The following ARHGEF4 variants were observed in gnomAD, a reference collection of about 807,000 sequenced individuals.
ARHGEF4 encodes the protein APC-stimulated guanine nucleotide exchange factor 1.
In ARHGEF4, 119 loss-of-function variants were observed where a neutral mutation model predicts 162.0. The ratio of observed to expected loss-of-function variants is 0.73; its 90% CI spans 0.63 to 0.86. ARHGEF4 has a LOEUF of 0.86. Among genes scored for constraint, ARHGEF4 ranks in the 40% least tolerant of loss-of-function variants. ARHGEF4 has a pLI of 0.00. For missense variants in ARHGEF4, 2,488 were observed against 2,456.0 expected (o/e 1.01, Z -0.28); for synonymous variants, 1,014 against 979.9 (o/e 1.03, Z -0.65).
chr2:130,907,408 C>T (rs552849272), intron 1 of ARHGEF4, among the ~76,000 whole-genome samples: 2 of 151,294 alleles, frequency 1.3e-5, no homozygotes, highest in South Asian at 4.2e-4. Flanking sequence ...TTAGTAGAGA[C>T]GGGTTTCACC....
intron 4 of ARHGEF4, among the ~76,000 whole-genome samples, chr2:131,009,854 C>A (rs1688339830): frequency 6.6e-6 from 1 of 152,310 alleles, no homozygotes; most frequent in African/African-American, 2.4e-5. Context: ...TCTTGGGAAC[C>A]AATCACATTT....
At chr2:130,945,800 G>A (rs1048512035) in intron 3 of ARHGEF4, among the ~76,000 whole-genome samples, 3 of 152,128 alleles carry the variant, frequency 2.0e-5, no homozygotes, top group Non-Finnish European at 2.9e-5. Flanking sequence ...GGTGAAGTGT[G>A]CAACTCCGTC....
intron 6 of ARHGEF4, 71 bp downstream of exon 6, chr2:131,039,103 A>G: frequency 1.3e-6 from 2 of 1,494,280 alleles, no homozygotes; most frequent in Admixed American, 2.2e-5. Context: ...AGAGAAATCC[A>G]AGCCCAAAAC....
chr2:131,032,240 G>A (rs1009496286), intron 5 of ARHGEF4, among the ~76,000 whole-genome samples: 3 of 151,908 alleles, frequency 2.0e-5, no homozygotes, highest in African/African-American at 7.2e-5. Context: ...CCGGCCTGGG[G>A]ACAGATGTCC....
intron 1 of ARHGEF4, among the ~76,000 whole-genome samples, chr2:130,846,215 G>C (rs985830248): frequency 1.3e-5 from 2 of 152,200 alleles, no homozygotes; most frequent in African/African-American, 2.4e-5. Context: ...TGAGTGCTCA[G>C]CTCAAACTAA....
At chr2:130,890,640 C>A (rs945570197) in intron 1 of ARHGEF4, among the ~76,000 whole-genome samples, 4 of 151,614 alleles carry the variant, frequency 2.6e-5, no homozygotes, top group Non-Finnish European at 4.4e-5. Context: ...TTATAATTCA[C>A]TAAATTTCTC....
intron 5 of ARHGEF4, among the ~76,000 whole-genome samples, chr2:131,036,919 C>A (rs1024367471): frequency 5.9e-5 from 9 of 152,188 alleles, no homozygotes; most frequent in African/African-American, 2.2e-4. Flanking sequence ...GCGGGGTGAG[C>A]CAGCTCCCCA....
chr2:130,867,249 T>A (rs1682350428), intron 1 of ARHGEF4, among the ~76,000 whole-genome samples: 1 of 151,650 alleles, frequency 6.6e-6, no homozygotes, highest in Admixed American at 6.6e-5. Flanking sequence ...ATTATTTTTT[T>A]TTTTTAATGA....
Position 131,046,311 on chromosome 2 carries a change from G to A in ARHGEF4, c.*122G>A. Reference sequence around the variant, plus strand: ...CAAGTGAGCAGGGATGGGCTGGGGAGTTGCTTGTGCCACCAAGACGTGCCA... The same window carrying A: ...CAAGTGAGCAGGGATGGGCTGGGGAATTGCTTGTGCCACCAAGACGTGCCA... On this transcript the variant is annotated 3_prime_UTR_variant, in exon 14 of 14. Transcript: ENST00000409359. 1 of 1,050,598 alleles carries A rather than the reference G, an allele frequency of 9.5e-7. No individual in the cohort carries two copies. The highest frequency in any genetic ancestry group is 2.6e-5 in the East Asian group (1 of 38,024). 65.1% of individuals were successfully genotyped at this position (1,050,598 alleles called of 1,614,324 possible).
At chr2:130,839,451 A>G (rs1209256106) in intron 1 of ARHGEF4, among the ~76,000 whole-genome samples, 1 of 152,088 alleles carries the variant, frequency 6.6e-6, no homozygotes. Context: ...CAGGAGGAGG[A>G]CCCCAAGGCC....
At chr2:131,045,887 C>G (rs1426029303) in intron 13 of ARHGEF4, 151 bp from the exon 14 acceptor site, 2 of 1,488,930 alleles carry the variant, frequency 1.3e-6, no homozygotes, top group Non-Finnish European at 1.8e-6. Flanking sequence ...TGGATGTGGT[C>G]AGCTCTCCAG....
intron 3 of ARHGEF4, among the ~76,000 whole-genome samples, chr2:130,935,057 T>C (rs764892389): frequency 2.6e-5 from 4 of 152,184 alleles, no homozygotes; most frequent in Non-Finnish European, 5.9e-5. Context: ...TGTAGCTAAA[T>C]GCTTATCAAT....
chr2:130,845,023 C>T (rs1680857861), intron 1 of ARHGEF4, among the ~76,000 whole-genome samples: 1 of 151,722 alleles, frequency 6.6e-6, no homozygotes, highest in Non-Finnish European at 1.5e-5. Flanking sequence ...TGAGTTTCAC[C>T]GTGTTGGCCA....
intron 1 of ARHGEF4, among the ~76,000 whole-genome samples, chr2:130,882,475 G>T (rs1679254275): frequency 6.6e-6 from 1 of 151,988 alleles, no homozygotes; most frequent in Non-Finnish European, 1.5e-5. Context: ...GAGCTTTCCG[G>T]TGGCTTTTTG....
chr2:130,978,719 C>T (rs564795748), intron 4 of ARHGEF4, among the ~76,000 whole-genome samples: 12 of 150,902 alleles, frequency 8.0e-5, no homozygotes, highest in Non-Finnish European at 1.6e-4. Flanking sequence ...ACTCAATACA[C>T]TTAAAGTATA....
chr2:130,909,357 A>C (rs1192170120), intron 1 of ARHGEF4, among the ~76,000 whole-genome samples: 1 of 152,246 alleles, frequency 6.6e-6, no homozygotes, highest in African/African-American at 2.4e-5. Flanking sequence ...AATTCCTGTC[A>C]CATGCAACAA....
In ARHGEF4 at chr2:130,946,526, C is replaced by A; in HGVS notation, c.3876C>A (p.Ile1292=). ...TCTTCCAGTGCTGGAGAAAGACGAT[C>A]ATTACCTCTCCAGAGTCTTTGAATC... The part of the protein sequence containing the change: ...KDGVKCWRKT[I]ITSPESLNLP... Residue 1292 remains isoleucine (I), a synonymous_variant, in exon 4 of 14, where the codon ATC becomes ATA. Transcript: ENST00000409359. 1 of 1,613,102 alleles carries A rather than the reference C, an allele frequency of 6.2e-7. No homozygotes were observed. The highest frequency in any genetic ancestry group is 8.5e-7 in the Non-Finnish European group (1 of 1,179,560).
chr2:130,886,763 A>G lies in ARHGEF4; in HGVS notation c.40-27223A>G, dbSNP rs948003015. 7.2e-5 allele frequency among the ~76,000 whole-genome samples: 11 copies of G among 151,936 alleles called. 1 individual carries two copies. Among genetic ancestry groups the G allele is most frequent in the Non-Finnish European group, 1.0e-4 (7 of 68,020 alleles). ...ACGAAGTTTCCTTTGGGGAAAAAAA[A>G]TTAGTAATAATTCAATTCCTTTAAT... is the stretch of plus-strand genomic sequence containing the variant. On this transcript the variant is annotated intron_variant, in intron 1 of 13. Coordinates refer to ENST00000409359, the MANE Select transcript of ARHGEF4 (RefSeq NM_001367493.1).
At chr2:130,839,677 C>T (rs1680469619) in intron 1 of ARHGEF4, among the ~76,000 whole-genome samples, 1 of 152,176 alleles carries the variant, frequency 6.6e-6, no homozygotes, top group South Asian at 2.1e-4. Context: ...AGGAGCAGCA[C>T]ACCCAAAAGG....
Sources: allele counts gnomAD v4.1 joint callset (sites outside exome capture counted in the v4.1 genomes callset), GRCh38; gene constraint gnomAD v4.1.1; transcripts MANE v1.5; gene names NCBI Gene and HGNC (gene_info 2026-07-23, HGNC 2026-07-21).